CHD9: variants seen among roughly 807,000 people sequenced by gnomAD.
The protein encoded by CHD9 is chromodomain helicase DNA binding protein 9.
Under a neutral mutation model 316.1 loss-of-function variants are expected in CHD9, and 77 were observed. The observed-to-expected ratio is 0.24, with a 90% confidence interval of 0.20 to 0.29. The LOEUF (loss-of-function observed/expected upper bound fraction) is 0.29. CHD9 is among the 10% of genes least tolerant of loss of function. The pLI is 1.00. For missense variants in CHD9, 2,763 were observed against 3,438.1 expected, an observed-to-expected ratio of 0.80 and a Z score of 4.91; for synonymous variants, 1,129 against 1,158.3, an observed-to-expected ratio of 0.97 and a Z score of 0.51.
intron 24 of CHD9, among the ~76,000 whole-genome samples, chr16:53,280,543 G>A (rs553565607): frequency 1.3e-5 from 2 of 151,914 alleles, no homozygotes; most frequent in South Asian, 2.1e-4. Flanking sequence ...AAGGGGGTTC[G>A]GGATAAAAGA....
At chr16:53,258,052 G>A (rs1182765418) in intron 19 of CHD9, among the ~76,000 whole-genome samples, 1 of 152,050 alleles carries the variant, frequency 6.6e-6, no homozygotes, top group Non-Finnish European at 1.5e-5. Context: ...ATTAATGAAG[G>A]CATATACAAA....
At chr16:53,116,212 A>T (rs1279171343) in intron 1 of CHD9, among the ~76,000 whole-genome samples, 6 of 152,166 alleles carry the variant, frequency 3.9e-5, no homozygotes, top group African/African-American at 1.4e-4. Flanking sequence ...GGCGCATGCC[A>T]CTACATCCGG....
intron 2 of CHD9, among the ~76,000 whole-genome samples, chr16:53,177,406 G>A (rs2043166256): frequency 6.6e-6 from 1 of 151,582 alleles, no homozygotes; most frequent in African/African-American, 2.4e-5. Flanking sequence ...ATCTGAAAGG[G>A]AAAAAAACGA....
chr16:53,069,110 TCTC>T (rs2152511191), intron 1 of CHD9, among the ~76,000 whole-genome samples: 1 of 152,256 alleles, frequency 6.6e-6, no homozygotes, highest in East Asian at 1.9e-4. Flanking sequence ...GTTCAGCAAT[TCTC>T]CTTGCCTCAG....
At chr16:53,055,111 G>C (rs967730630) in intron 1 of CHD9, 34 bp downstream of exon 1, 1 of 152,418 alleles carries the variant, frequency 6.6e-6, no homozygotes, top group Non-Finnish European at 1.5e-5. Context: ...TCTCCCTGGA[G>C]CCTCTGAGGT....
At position 53,256,201 on chromosome 16, in the gene CHD9, C is replaced by T. The variant is rs553350280; in HGVS notation, c.4209+422C>T. On this transcript the variant is annotated intron_variant, in intron 19 of 38. Coordinates refer to ENST00000447540, the MANE Select transcript of CHD9 (RefSeq NM_001308319.2). ...AAATCTGGCCGGGCGAGGTGGTTCA[C>T]ATCTGTAATCCCAGCACTTTGGGAG... Among the ~76,000 whole-genome samples the T allele has an allele frequency of 1.1e-4, 16 of 152,100 alleles. No individual in the cohort carries two copies. In the East Asian group the frequency reaches 2.5e-3, roughly 24 times the overall value.
chr16:53,244,722 G>A (rs553640922), intron 13 of CHD9, among the ~76,000 whole-genome samples: 4 of 152,098 alleles, frequency 2.6e-5, no homozygotes, highest in East Asian at 1.9e-4. Context: ...TTAAAGGCAC[G>A]AATAGCATAC....
At chr16:53,281,268 A>C (rs73600045) in intron 24 of CHD9, among the ~76,000 whole-genome samples, 4,932 of 152,116 alleles carry the variant, frequency 0.032, 99 homozygotes, top group Middle Eastern at 0.071. Context: ...TCCTGTCTCC[A>C]GTCCTTTCTC....
intron 30 of CHD9, among the ~76,000 whole-genome samples, chr16:53,297,577 A>G (rs544938834): frequency 1.3e-5 from 2 of 152,354 alleles, no homozygotes; most frequent in East Asian, 3.9e-4. Flanking sequence ...TTTCTAGAAA[A>G]GATCTCCCAG....
chr16:53,055,900 T>A (rs2032045874), intron 1 of CHD9, among the ~76,000 whole-genome samples: 1 of 152,114 alleles, frequency 6.6e-6, no homozygotes, highest in Admixed American at 6.5e-5. Context: ...GGAAGGGGGT[T>A]CCTCCCCACC....
At chr16:53,170,558 G>A (rs2042629885) in intron 2 of CHD9, among the ~76,000 whole-genome samples, 1 of 149,488 alleles carries the variant, frequency 6.7e-6, no homozygotes, top group African/African-American at 2.5e-5. Flanking sequence ...GCATCGTGCA[G>A]TACTAGTATT....
At chr16:53,317,263 G>A (rs1291130752) in intron 36 of CHD9, among the ~76,000 whole-genome samples, 1 of 152,002 alleles carries the variant, frequency 6.6e-6, no homozygotes, top group East Asian at 1.9e-4. Flanking sequence ...AGTGAGTGGG[G>A]TAATAGTAAA....
chr16:53,273,368 AT>A (rs1338179163), intron 22 of CHD9, among the ~76,000 whole-genome samples: 1 of 152,188 alleles, frequency 6.6e-6, no homozygotes, highest in Admixed American at 6.5e-5. Context: ...TTGTAAAAAA[AT>A]AATCTGTTTT....
At chr16:53,296,357 G>A (rs1313747967) in intron 29 of CHD9, among the ~76,000 whole-genome samples, 3 of 151,594 alleles carry the variant, frequency 2.0e-5, no homozygotes, top group African/African-American at 7.3e-5. Flanking sequence ...TGAAGGAATA[G>A]TGTATACTTT....
At position 53,209,605 on chromosome 16, in the gene CHD9, G is replaced by T. The variant is rs1209406589; in HGVS notation, c.1576G>T (p.Ala526Ser). 2 of 1,613,846 alleles carry T rather than the reference G, an allele frequency of 1.2e-6. No individual in the cohort carries two copies. Among genetic ancestry groups the T allele is most frequent in the Admixed American group, 1.7e-5 (1 of 60,012 alleles). ...GGAATCAGAAAGCAAGCAAGAAAAG[G>T]CTAATCGTATAATATCAGAGGCCAT... ...KVESESKQEK[A>S]NRIISEAIAK... The change falls in exon 3 of 39, where the codon GCT (alanine) becomes TCT (serine). Residue 526 changes from alanine to serine, a missense_variant. By Grantham distance (99) the Ala-to-Ser change is moderately conservative (BLOSUM62 1). Around this residue, in one of 15 missense-constraint regions of CHD9, gnomAD observed 859 missense variants for 890.4 expected, o/e 0.96. Transcript: ENST00000447540.
At chr16:53,223,997 G>A (rs1219239382) in intron 4 of CHD9, among the ~76,000 whole-genome samples, 1 of 152,012 alleles carries the variant, frequency 6.6e-6, no homozygotes, top group Non-Finnish European at 1.5e-5. Context: ...TATATTTAGA[G>A]ACCTAAATTA....
rs551128798 is a variant in CHD9, at chr16:53,190,062, G to T, written c.1453-19420G>T. 3.3e-5 allele frequency among the ~76,000 whole-genome samples: 5 copies of T among 152,002 alleles called. No homozygotes were observed. In the East Asian group the frequency reaches 9.7e-4, roughly 29 times the overall value. On this transcript the variant is annotated intron_variant, in intron 2 of 38. Transcript: ENST00000447540. ...TCCCCCAACCCTACCTCCCAAACTA[G>T]AACAGAACCAACAAACTTCTGGTCC...
At chr16:53,242,477 C>T (rs2152950836) in intron 12 of CHD9, among the ~76,000 whole-genome samples, 1 of 152,264 alleles carries the variant, frequency 6.6e-6, no homozygotes, top group South Asian at 2.1e-4. Context: ...TATTTGTGAA[C>T]TCATTGGTGT....
chr16:53,121,426 A>T, intron 1 of CHD9: 1 of 456,092 alleles, frequency 2.2e-6, no homozygotes, highest in South Asian at 1.5e-5. Flanking sequence ...AGACCTTTTA[A>T]GATTAGGACA....
Sources: allele counts gnomAD v4.1 joint callset (sites outside exome capture counted in the v4.1 genomes callset), GRCh38; gene constraint gnomAD v4.1.1; regional missense constraint gnomAD v4.1.1; transcripts MANE v1.5; gene names NCBI Gene and HGNC (gene_info 2026-07-23, HGNC 2026-07-21).